SEL1L2: variants seen among roughly 807,000 people sequenced by gnomAD.
The protein encoded by SEL1L2 is SEL1L2 adaptor subunit of SYVN1 ubiquitin ligase, also known as protein sel-1 homolog 2.
SEL1L2 carries 89 observed loss-of-function variants against 98.8 expected under a neutral mutation model. That is an observed-to-expected ratio of 0.90 (90% CI 0.76 to 1.07). The LOEUF (loss-of-function observed/expected upper bound fraction) is 1.07. Ranked by LOEUF, SEL1L2 falls within the 50% of genes least tolerant of loss-of-function variation. SEL1L2 has a pLI of 0.00. For synonymous variants in SEL1L2, 262 were observed against 278.5 expected, an observed-to-expected ratio of 0.94 and a Z score of 0.59; for missense variants, 788 against 812.0, an observed-to-expected ratio of 0.97 and a Z score of 0.36.
chr20:13,958,837 G>A (rs1455481611), intron 1 of SEL1L2, among the ~76,000 whole-genome samples: 1 of 151,682 alleles, frequency 6.6e-6, no homozygotes, highest in Non-Finnish European at 1.5e-5. Flanking sequence ...CCAGCTACTT[G>A]GGAGCTACCC....
chr20:13,975,896 C>T (rs572795126), intron 1 of SEL1L2, among the ~76,000 whole-genome samples: 9 of 152,096 alleles, frequency 5.9e-5, no homozygotes, highest in African/African-American at 1.4e-4. Context: ...CTATGTTGTC[C>T]GGGCTAGTCT....
intron 1 of SEL1L2, among the ~76,000 whole-genome samples, chr20:13,983,868 C>T (rs576008852): frequency 1.3e-5 from 2 of 151,888 alleles, no homozygotes; most frequent in Non-Finnish European, 2.9e-5. Flanking sequence ...CTAACTCCTT[C>T]CCTGGTTCTC....
chr20:13,881,186 G>T (rs867115116), intron 10 of SEL1L2, among the ~76,000 whole-genome samples: 1 of 152,148 alleles, frequency 6.6e-6, no homozygotes, highest in African/African-American at 2.4e-5. Context: ...GCTAATTTTT[G>T]TATTTTTAGT....
intron 5 of SEL1L2, among the ~76,000 whole-genome samples, chr20:13,911,631 CTTAAT>C (rs1231678439): frequency 6.6e-6 from 1 of 152,122 alleles, no homozygotes; most frequent in Non-Finnish European, 1.5e-5. Flanking sequence ...TATTCAGCAA[CTTAAT>C]TTAATTAAAA....
chr20:13,892,593 G>A (rs547724125), intron 5 of SEL1L2, among the ~76,000 whole-genome samples: 1 of 151,860 alleles, frequency 6.6e-6, no homozygotes, highest in African/African-American at 2.4e-5. Context: ...TAAAAACAAA[G>A]GAATGCAGTA....
At chr20:13,942,426 T>A (rs2049821930) in intron 2 of SEL1L2, among the ~76,000 whole-genome samples, 1 of 152,172 alleles carries the variant, frequency 6.6e-6, no homozygotes, top group African/African-American at 2.4e-5. Flanking sequence ...GTATGGTCCC[T>A]GAAATCTGTT....
At chr20:13,944,732 C>A in intron 2 of SEL1L2, among the ~76,000 whole-genome samples, 1 of 152,174 alleles carries the variant, frequency 6.6e-6, no homozygotes, top group East Asian at 1.9e-4. Flanking sequence ...TAGAATTGCT[C>A]TTCAAACTGT....
chr20:13,959,934 T>C (rs1336929290), intron 1 of SEL1L2, among the ~76,000 whole-genome samples: 3 of 152,212 alleles, frequency 2.0e-5, no homozygotes, highest in Non-Finnish European at 2.9e-5. Flanking sequence ...ATTAGAGAAT[T>C]CATGTTACTA....
intron 1 of SEL1L2, among the ~76,000 whole-genome samples, chr20:13,958,817 G>A (rs374371923): frequency 2.6e-5 from 4 of 151,042 alleles, no homozygotes; most frequent in Admixed American, 6.6e-5. Context: ...GGTGGCAGGC[G>A]CCTGTAGTCC....
chr20:13,984,760 C>CT (rs1331395253), intron 1 of SEL1L2, among the ~76,000 whole-genome samples: 2 of 147,856 alleles, frequency 1.4e-5, no homozygotes, highest in South Asian at 2.2e-4. Context: ...TAAATATTTG[C>CT]TTTTTTTGCT....
At chr20:13,970,107 T>A (rs1481126673) in intron 1 of SEL1L2, among the ~76,000 whole-genome samples, 1 of 152,170 alleles carries the variant, frequency 6.6e-6, no homozygotes, top group Admixed American at 6.5e-5. Context: ...AATACTTTTA[T>A]TATAACACAG....
At chr20:13,887,715 T>C in intron 8 of SEL1L2, 54 bp downstream of exon 8, 1 of 1,158,756 alleles carries the variant, frequency 8.6e-7, no homozygotes, top group Non-Finnish European at 1.3e-6. Context: ...TTGATTTATT[T>C]TTCTAATTCC....
At chr20:13,869,623 C>G in intron 13 of SEL1L2, 33 bp from the exon 14 acceptor site, 2 of 1,550,742 alleles carry the variant, frequency 1.3e-6, no homozygotes, top group Non-Finnish European at 1.8e-6. Flanking sequence ...TACTCAAAGG[C>G]ACAAGTAAAA....
At chr20:13,901,079 T>C (rs2047655309) in intron 5 of SEL1L2, among the ~76,000 whole-genome samples, 1 of 147,928 alleles carries the variant, frequency 6.8e-6, no homozygotes, top group Non-Finnish European at 1.5e-5. Flanking sequence ...TTCTTTCTTT[T>C]TTTTTTTTTG....
chr20:13,961,247 T>G (rs58111987), intron 1 of SEL1L2, among the ~76,000 whole-genome samples: 9,799 of 152,316 alleles, frequency 0.064, 358 homozygotes, highest in Non-Finnish European at 0.074. Flanking sequence ...TGATTTTAAG[T>G]GGCAAATTTC....
chr20:13,943,299 T>C (rs1051036551), intron 2 of SEL1L2, among the ~76,000 whole-genome samples: 10 of 152,210 alleles, frequency 6.6e-5, no homozygotes, highest in African/African-American at 2.2e-4. Flanking sequence ...AGTGCTAACA[T>C]AAGATTTATA....
chr20:13,920,967 T>G (rs1212531423), intron 3 of SEL1L2, among the ~76,000 whole-genome samples: 4 of 152,192 alleles, frequency 2.6e-5, no homozygotes, highest in Non-Finnish European at 5.9e-5. Context: ...TTACCTATAC[T>G]TCTAATTAAA....
intron 5 of SEL1L2, among the ~76,000 whole-genome samples, chr20:13,901,178 C>T (rs950690882): frequency 8.7e-5 from 13 of 150,282 alleles, no homozygotes; most frequent in Non-Finnish European, 1.8e-4. Flanking sequence ...TCATGCCATT[C>T]TCCTGCCTCA....
chr20:13,941,130 C>A (rs886975140), intron 2 of SEL1L2, among the ~76,000 whole-genome samples: 1 of 152,146 alleles, frequency 6.6e-6, no homozygotes, highest in Non-Finnish European at 1.5e-5. Flanking sequence ...TTCACTAAAA[C>A]AGCCTTGAGA....
Sources: allele counts gnomAD v4.1 joint callset (sites outside exome capture counted in the v4.1 genomes callset), GRCh38; gene constraint gnomAD v4.1.1; transcripts MANE v1.5; gene names NCBI Gene and HGNC (gene_info 2026-07-23, HGNC 2026-07-21).